The following PDE4B variants were observed in gnomAD, a reference collection of about 807,000 sequenced individuals.
The protein encoded by PDE4B is 3',5'-cyclic-AMP phosphodiesterase 4B.
Under a neutral mutation model 82.2 loss-of-function variants are expected in PDE4B, and 20 were observed. The observed-to-expected ratio is 0.24, with a 90% confidence interval of 0.17 to 0.35. The LOEUF is 0.35. Ranked by LOEUF, PDE4B falls within the 10% of genes least tolerant of loss-of-function variation. PDE4B has a pLI of 1.00. For missense variants in PDE4B, 655 were observed against 907.2 expected (o/e 0.72, Z 3.57); for synonymous variants, 320 against 318.9 (o/e 1.00, Z -0.04).
chr1:65,862,254 A>G (rs1370348595), intron 1 of PDE4B, among the ~76,000 whole-genome samples: 1 of 152,180 alleles, frequency 6.6e-6, no homozygotes, highest in African/African-American at 2.4e-5. Context: ...AGTTTTTAGC[A>G]TGAAAGGGTG....
At chr1:65,989,365 G>T (rs1173306085) in intron 3 of PDE4B, among the ~76,000 whole-genome samples, 1 of 152,032 alleles carries the variant, frequency 6.6e-6, no homozygotes, top group Non-Finnish European at 1.5e-5. Context: ...GCCAGGCATG[G>T]TGGTGGGCGC....
intron 7 of PDE4B, among the ~76,000 whole-genome samples, chr1:66,283,020 G>A (rs1007742172): frequency 6.6e-6 from 1 of 152,050 alleles, no homozygotes; most frequent in African/African-American, 2.4e-5. Context: ...CTTGTCATTG[G>A]CACAGTTCAT....
intron 3 of PDE4B, among the ~76,000 whole-genome samples, chr1:66,044,546 A>T (rs1654580649): frequency 6.6e-6 from 1 of 151,746 alleles, no homozygotes; most frequent in African/African-American, 2.4e-5. Context: ...TTTTTAAGTA[A>T]ATGTTTAAAA....
At chr1:65,929,060 G>A (rs773421219) in intron 3 of PDE4B, among the ~76,000 whole-genome samples, 18 of 151,998 alleles carry the variant, frequency 1.2e-4, no homozygotes, top group Non-Finnish European at 2.2e-4. Flanking sequence ...CCAGTGTAGC[G>A]CACCTCCTCA....
At chr1:66,220,886 C>T (rs564203540) in intron 3 of PDE4B, among the ~76,000 whole-genome samples, 98 of 152,222 alleles carry the variant, frequency 6.4e-4, no homozygotes, top group South Asian at 3.3e-3. Flanking sequence ...TTTGTCCAAT[C>T]AAGACTTGGC....
At chr1:65,973,483 A>G (rs959301802) in intron 3 of PDE4B, among the ~76,000 whole-genome samples, 1 of 152,180 alleles carries the variant, frequency 6.6e-6, no homozygotes, top group African/African-American at 2.4e-5. Context: ...TGAATGTACA[A>G]TGGGAGATGA....
chr1:65,892,580 CA>C (rs1646863899), intron 1 of PDE4B, among the ~76,000 whole-genome samples: 6 of 152,034 alleles, frequency 3.9e-5, no homozygotes, highest in Admixed American at 3.9e-4. Context: ...AGCGTGTCTG[CA>C]TCTGTACCCA....
chr1:66,097,499 T>G (rs1645140269), intron 3 of PDE4B, among the ~76,000 whole-genome samples: 1 of 152,102 alleles, frequency 6.6e-6, no homozygotes, highest in African/African-American at 2.4e-5. Context: ...TTATAAACAC[T>G]GGATATGATA....
At chr1:66,332,660 C>T (rs1410677561) in intron 8 of PDE4B, 40 bp downstream of exon 8, 2 of 1,562,884 alleles carry the variant, frequency 1.3e-6, no homozygotes, top group Non-Finnish European at 1.8e-6. Context: ...TGTGATCATG[C>T]AGGGAGCTCC....
chr1:65,826,600 A>G (rs908778378), intron 1 of PDE4B, among the ~76,000 whole-genome samples: 1 of 152,098 alleles, frequency 6.6e-6, no homozygotes. Context: ...CTACCTCCCT[A>G]ATCTTCATAT....
At chr1:66,107,383 G>A (rs1189818336) in intron 3 of PDE4B, among the ~76,000 whole-genome samples, 8 of 151,790 alleles carry the variant, frequency 5.3e-5, no homozygotes, top group Non-Finnish European at 1.2e-4. Context: ...ATGAACTTGG[G>A]TTGTTGATGT....
chr1:65,996,491 G>GA (rs923031384), intron 3 of PDE4B, among the ~76,000 whole-genome samples: 5 of 151,606 alleles, frequency 3.3e-5, no homozygotes, highest in African/African-American at 4.8e-5. Flanking sequence ...AGCAAGAAGA[G>GA]AAAAAAAATC....
At chr1:65,995,118 A>T (rs1191994960) in intron 3 of PDE4B, among the ~76,000 whole-genome samples, 1 of 152,162 alleles carries the variant, frequency 6.6e-6, no homozygotes, top group East Asian at 1.9e-4. Context: ...TATAGATTAA[A>T]ATAATTCATT....
In PDE4B at chr1:65,797,053, C is replaced by T. The variant is rs182659331; in HGVS notation, c.-71+3805C>T. The stretch of plus-strand genomic sequence containing the variant: ...CTGCAAGCTCCACCTCCCAGGTTCA[C>T]GCCATTCTCTGGCCTCAGCCTTCTG... On this transcript the variant is annotated intron_variant, in intron 1 of 16. Transcript: ENST00000341517. Among the ~76,000 whole-genome samples, 103 of 151,860 alleles carry T rather than the reference C, an allele frequency of 6.8e-4. 1 individual carries two copies. In the Middle Eastern group the frequency reaches 0.01, roughly 15 times the overall value.
chr1:66,059,898 C>G (rs1655495925), intron 3 of PDE4B, among the ~76,000 whole-genome samples: 1 of 152,070 alleles, frequency 6.6e-6, no homozygotes, highest in Non-Finnish European at 1.5e-5. Flanking sequence ...CAATGGAACC[C>G]CTGAGAATTT....
At chr1:65,915,349 A>G (rs182229895) in intron 2 of PDE4B, among the ~76,000 whole-genome samples, 3 of 152,194 alleles carry the variant, frequency 2.0e-5, no homozygotes, top group Admixed American at 1.3e-4. Flanking sequence ...TTTAGCTTCA[A>G]TAGGGACTCT....
intron 3 of PDE4B, among the ~76,000 whole-genome samples, chr1:65,977,658 G>A (rs1210920706): frequency 6.6e-6 from 1 of 152,208 alleles, no homozygotes; most frequent in Non-Finnish European, 1.5e-5. Flanking sequence ...TATAGTTCTT[G>A]TTCTTTCTTC....
At chr1:66,361,465 G>GA (rs1248332511) in intron 9 of PDE4B, 150 bp from the exon 10 acceptor site, 12 of 486,788 alleles carry the variant, frequency 2.5e-5, no homozygotes, top group Non-Finnish European at 4.3e-5. Context: ...TTACTTTATA[G>GA]AACTGCCCTA....
At chr1:66,069,864 C>G (rs1248910951) in intron 3 of PDE4B, among the ~76,000 whole-genome samples, 1 of 151,854 alleles carries the variant, frequency 6.6e-6, no homozygotes, top group Non-Finnish European at 1.5e-5. Flanking sequence ...CCTGTGAATC[C>G]TTAACTTATA....
Sources: gnomAD v4.1 joint callset for allele counts (sites outside exome capture counted in the v4.1 genomes callset) on GRCh38, gnomAD v4.1.1 for gene constraint, MANE v1.5 for transcripts, NCBI Gene and HGNC (gene_info 2026-07-23, HGNC 2026-07-21) for gene names.